Variants in DTNA observed in about 807,000 individuals in gnomAD.
DTNA encodes dystrobrevin alpha, also known as dystrophin-related protein 3.
A neutral mutation model predicts 100.7 loss-of-function variants in DTNA; 43 were observed. That is an observed-to-expected ratio of 0.43 (90% CI 0.33 to 0.55). The LOEUF is 0.55. DTNA is among the 20% of genes least tolerant of loss of function. DTNA has a pLI of 0.04. For synonymous variants in DTNA, 349 were observed against 347.9 expected (o/e 1.00, Z -0.04); for missense variants, 798 against 953.9 (o/e 0.84, Z 2.15).
At chr18:34,654,375 A>G (rs766600796) in intron 1 of DTNA, among the ~76,000 whole-genome samples, 1 of 152,206 alleles carries the variant, frequency 6.6e-6, no homozygotes, top group Non-Finnish European at 1.5e-5. Flanking sequence ...CAATACATTC[A>G]TTATCTAAAT....
At chr18:34,753,123 G>A (rs574619411) in intron 1 of DTNA, among the ~76,000 whole-genome samples, 1 of 151,940 alleles carries the variant, frequency 6.6e-6, no homozygotes, top group South Asian at 2.1e-4. Flanking sequence ...CATATCATTT[G>A]TTGGTTGGAC....
upstream of DTNA, among the ~76,000 whole-genome samples, chr18:34,706,040 C>A (rs2082069968): frequency 6.6e-6 from 1 of 152,132 alleles, no homozygotes; most frequent in African/African-American, 2.4e-5. Context: ...CTCCGCCTCC[C>A]AGGTACAAGC....
At chr18:34,584,013 G>A (rs1007236001) in intron 1 of DTNA, among the ~76,000 whole-genome samples, 3 of 151,390 alleles carry the variant, frequency 2.0e-5, no homozygotes, top group Non-Finnish European at 3.0e-5. Context: ...TCTGCGTGCC[G>A]AATAGTAACA....
intron 3 of DTNA, among the ~76,000 whole-genome samples, chr18:34,778,764 T>G (rs2094178439): frequency 6.6e-6 from 1 of 151,972 alleles, no homozygotes; most frequent in Non-Finnish European, 1.5e-5. Flanking sequence ...ACAACCCTAT[T>G]TGTCAATGAC....
chr18:34,581,277 A>C (rs79361613), intron 1 of DTNA, among the ~76,000 whole-genome samples: 2,786 of 74,968 alleles, frequency 0.037, 32 homozygotes, highest in Non-Finnish European at 0.055. Context: ...CAAAACAAAA[A>C]AACAAAACAA....
intron 13 of DTNA, among the ~76,000 whole-genome samples, chr18:34,842,574 A>G (rs752985825): frequency 1.3e-5 from 2 of 152,050 alleles, no homozygotes; most frequent in Non-Finnish European, 2.9e-5. Flanking sequence ...CTCCCATTCA[A>G]TCACTACATT....
At chr18:34,755,681 G>A (rs900625043) in intron 1 of DTNA, 29 of 360,848 alleles carry the variant, frequency 8.0e-5, no homozygotes, top group Non-Finnish European at 1.1e-4. Context: ...TCACCTAACA[G>A]ATGGTAGATT....
chr18:34,604,631 TG>T (rs1423427567), intron 1 of DTNA, among the ~76,000 whole-genome samples: 1 of 152,154 alleles, frequency 6.6e-6, no homozygotes, highest in Admixed American at 6.5e-5. Context: ...CTAGAACATT[TG>T]GAATGCTGAA....
intron 9 of DTNA, chr18:34,821,158 A>G (rs2095706848): frequency 3.1e-6 from 2 of 641,050 alleles, no homozygotes; most frequent in African/African-American, 3.6e-5. Context: ...AAAATATTTC[A>G]GAAAGCTTAG....
intron 1 of DTNA, among the ~76,000 whole-genome samples, chr18:34,651,635 C>G (rs1261151183): frequency 2.0e-5 from 3 of 152,112 alleles, no homozygotes; most frequent in African/African-American, 7.2e-5. Flanking sequence ...TTTATAGGGC[C>G]TACCATAAAA....
At chr18:34,765,908 A>C in intron 2 of DTNA, 53 bp from the exon 3 acceptor site, 2 of 1,566,422 alleles carry the variant, frequency 1.3e-6, no homozygotes, top group Non-Finnish European at 1.8e-6. Context: ...AAACATTGTA[A>C]ATTTCTTTCT....
chr18:34,745,142 A>G lies in DTNA; in HGVS notation c.-1-10834A>G, dbSNP rs373836568. Among the ~76,000 whole-genome samples the G allele has an allele frequency of 8.5e-5, 13 of 152,054 alleles. No homozygotes were observed. In the East Asian group the frequency reaches 1.9e-3, roughly 23 times the overall value. Reference sequence around the variant, plus strand: ...GTGGCTATTACTGTTATTATTTATTATTATTTCTTCTCCCAGAAGTCTGAT... The same window carrying G: ...GTGGCTATTACTGTTATTATTTATTGTTATTTCTTCTCCCAGAAGTCTGAT... On this transcript the variant is annotated intron_variant, in intron 1 of 22. Transcript: ENST00000444659.
chr18:34,709,542 T>C (rs2082530523), upstream of DTNA: 1 of 152,164 alleles, frequency 6.6e-6, no homozygotes, highest in African/African-American at 2.4e-5. Flanking sequence ...CCTAACTACA[T>C]AGCCATTGGT....
intron 1 of DTNA, among the ~76,000 whole-genome samples, chr18:34,558,584 T>G (rs1290415731): frequency 6.6e-6 from 1 of 152,122 alleles, no homozygotes; most frequent in African/African-American, 2.4e-5. Context: ...TAATATATTA[T>G]GTGATGCAAA....
intron 1 of DTNA, among the ~76,000 whole-genome samples, chr18:34,636,348 C>T (rs1568083926): frequency 6.6e-6 from 1 of 152,132 alleles, no homozygotes; most frequent in Non-Finnish European, 1.5e-5. Flanking sequence ...CTCCTGACCT[C>T]AAGTGATCCT....
At chr18:34,579,755 G>A (rs931732445) in intron 1 of DTNA, among the ~76,000 whole-genome samples, 1 of 152,172 alleles carries the variant, frequency 6.6e-6, no homozygotes, top group African/African-American at 2.4e-5. Flanking sequence ...TCAACGTGTT[G>A]TTGGTGGTGG....
chr18:34,801,897 C>T (rs1049585767), intron 4 of DTNA, among the ~76,000 whole-genome samples: 7 of 152,206 alleles, frequency 4.6e-5, no homozygotes, highest in Non-Finnish European at 1.0e-4. Flanking sequence ...ATTAACTGTA[C>T]TAGCAGCCTT....
At chr18:34,533,171 G>A (rs2043319154) in intron 1 of DTNA, among the ~76,000 whole-genome samples, 1 of 151,774 alleles carries the variant, frequency 6.6e-6, no homozygotes. Flanking sequence ...AGAAGTTCAC[G>A]ACCAGCCTGA....
chr18:34,630,688 A>G (rs948792), intron 1 of DTNA, among the ~76,000 whole-genome samples: 1 of 152,168 alleles, frequency 6.6e-6, no homozygotes, highest in Non-Finnish European at 1.5e-5. Flanking sequence ...AGAGAGGAGC[A>G]AGAAGTAGAG....
Sources: gnomAD v4.1 joint callset for allele counts (sites outside exome capture counted in the v4.1 genomes callset) on GRCh38, gnomAD v4.1.1 for gene constraint, MANE v1.5 for transcripts, NCBI Gene and HGNC (gene_info 2026-07-23, HGNC 2026-07-21) for gene names.